The following CEP97 variants were observed in gnomAD, a reference collection of about 807,000 sequenced individuals.
The protein encoded by CEP97 is centrosomal protein 97.
In CEP97, 43 loss-of-function variants were observed where a neutral mutation model predicts 73.1. That is an observed-to-expected ratio of 0.59 (90% CI 0.46 to 0.76). The LOEUF is 0.76. Among genes scored for constraint, CEP97 ranks in the 30% least tolerant of loss-of-function variants. CEP97 has a pLI of 0.00. For synonymous variants in CEP97, 337 were observed against 370.0 expected (o/e 0.91, Z 1.02); for missense variants, 939 against 1,014.0 (o/e 0.93, Z 1.00).
intron 7 of CEP97, 38 bp downstream of exon 7, chr3:101,755,632 A>G (rs1938984277): frequency 6.3e-7 from 1 of 1,596,500 alleles, no homozygotes; most frequent in Admixed American, 1.7e-5. Context: ...TGAATTCACA[A>G]GTTAAAATAC....
At position 101,766,635 on chromosome 3, in the gene CEP97, A is replaced by G. The variant is rs62284204; in HGVS notation, c.*1084A>G. The stretch of plus-strand genomic sequence containing the variant: ...AATAAACCTCACTTTACTTGTTAAA[A>G]GGGATATATATATATATATATATGT... On this transcript the variant is annotated 3_prime_UTR_variant, in exon 11 of 11. Transcript: ENST00000341893. 6.9e-6 allele frequency: 1 copy of G among 145,790 alleles called. No homozygotes were observed. The highest frequency in any genetic ancestry group is 1.5e-5 in the Non-Finnish European group (1 of 65,686). The allele number at this position is 145,790 out of a possible 1,614,324, so 9.0% of individuals were successfully genotyped here. A position where few individuals can be genotyped will look rare whatever the true frequency, so the allele number is the denominator to read the frequency against.
chr3:101,733,676 G>A (rs1176904667), intron 6 of CEP97, among the ~76,000 whole-genome samples: 3 of 149,602 alleles, frequency 2.0e-5, no homozygotes, highest in African/African-American at 7.4e-5. Flanking sequence ...GACTACAGGC[G>A]CCCGCCACTA....
chr3:101,731,754 T>G, intron 4 of CEP97, 86 bp from the exon 5 acceptor site: 1 of 723,936 alleles, frequency 1.4e-6, no homozygotes, highest in South Asian at 1.6e-5. Flanking sequence ...TCCTTTATTC[T>G]TATATGTACC....
In CEP97 at chr3:101,727,484, A is replaced by C. The variant is rs1203304357; in HGVS notation, c.288A>C (p.Glu96Asp). ...CTCATAATAGCATTGGCTGTGTGGAAGGGCTAAAGGAACTAGTACATCTGG... is the reference window on the plus strand; with the variant it reads ...CTCATAATAGCATTGGCTGTGTGGACGGGCTAAAGGAACTAGTACATCTGG... ...NLPHNSIGCV[E>D]GLKELVHLEW... The change falls in exon 3 of 11, where the codon GAA becomes GAC. Residue 96 changes from glutamate to aspartate, a missense_variant. Physicochemically the swap from Glu to Asp is conservative, Grantham distance 45. Coordinates refer to ENST00000341893, the MANE Select transcript of CEP97 (RefSeq NM_024548.4). The C allele has an allele frequency of 6.2e-7, 1 of 1,613,716 alleles. No homozygotes were observed. The highest frequency in any genetic ancestry group is 8.5e-7 in the Non-Finnish European group (1 of 1,179,744).
intron 6 of CEP97, among the ~76,000 whole-genome samples, chr3:101,737,134 AT>A (rs1478307490): frequency 6.6e-6 from 1 of 152,180 alleles, no homozygotes; most frequent in Non-Finnish European, 1.5e-5. Context: ...TGAAGACAAG[AT>A]TGGAGAAAAA....
chr3:101,748,702 G>T (rs971747694), intron 6 of CEP97, among the ~76,000 whole-genome samples: 1 of 152,082 alleles, frequency 6.6e-6, no homozygotes, highest in Non-Finnish European at 1.5e-5. Context: ...GTGCAGTGGC[G>T]CAATCTCGGC....
intron 6 of CEP97, among the ~76,000 whole-genome samples, chr3:101,748,489 A>G (rs1938696052): frequency 6.6e-6 from 1 of 152,194 alleles, no homozygotes; most frequent in Non-Finnish European, 1.5e-5. Flanking sequence ...GAGAAATATT[A>G]AAGTTGGCGA....
intron 2 of CEP97, among the ~76,000 whole-genome samples, chr3:101,727,054 A>G (rs953577758): frequency 1.8e-4 from 27 of 152,174 alleles, no homozygotes; most frequent in African/African-American, 9.7e-5. Context: ...CGTCCCTCTT[A>G]TATGTCTGGC....
intron 9 of CEP97, among the ~76,000 whole-genome samples, chr3:101,762,262 T>G (rs1372064942): frequency 6.6e-6 from 1 of 152,200 alleles, no homozygotes; most frequent in Non-Finnish European, 1.5e-5. Flanking sequence ...GAGTCACAGT[T>G]CAAAATTAAG....
Position 101,767,459 on chromosome 3 carries a change from A to T in CEP97, c.*1908A>T, listed in dbSNP as rs1351353707. 1 of 152,214 alleles carries T rather than the reference A, an allele frequency of 6.6e-6. No homozygotes were observed. The highest frequency in any genetic ancestry group is 1.5e-5 in the Non-Finnish European group (1 of 68,024). 9.4% of individuals were successfully genotyped at this position (152,214 alleles called of 1,614,324 possible). On this transcript the variant is annotated 3_prime_UTR_variant, in exon 11 of 11. Transcript: ENST00000341893. ...TCCATAGTTAGACAAAGAAAAACCA[A>T]TTTCCACTGCACTAGTACCAAAATA...
chr3:101,739,184 T>C (rs1938370170), intron 6 of CEP97, among the ~76,000 whole-genome samples: 1 of 152,172 alleles, frequency 6.6e-6, no homozygotes, highest in South Asian at 2.1e-4. Flanking sequence ...GTTAATAGCC[T>C]ACCAGCCAAA....
chr3:101,760,237 TGAG>T (rs903414031), intron 9 of CEP97, among the ~76,000 whole-genome samples: 15 of 151,850 alleles, frequency 9.9e-5, no homozygotes, highest in Non-Finnish European at 1.6e-4. Context: ...CACCTGAAAA[TGAG>T]GAGAGGGTGA....
At chr3:101,731,275 A>G (rs868329397) in intron 4 of CEP97, among the ~76,000 whole-genome samples, 4 of 146,484 alleles carry the variant, frequency 2.7e-5, no homozygotes, top group Middle Eastern at 7.0e-3. Flanking sequence ...GTCATGGCTT[A>G]CTATAGCCTC....
chr3:101,727,800 T>C (rs1241639368), intron 3 of CEP97, among the ~76,000 whole-genome samples: 2 of 152,236 alleles, frequency 1.3e-5, no homozygotes, highest in African/African-American at 4.8e-5. Flanking sequence ...GACTATATCA[T>C]GCTGAATTAA....
At position 101,764,880 on chromosome 3, in the gene CEP97, G is replaced by T; in HGVS notation, c.1927G>T (p.Asp643Tyr). 2 of 1,613,084 alleles carry T rather than the reference G, an allele frequency of 1.2e-6. No homozygotes were observed. The highest frequency in any genetic ancestry group is 2.2e-5 in the South Asian group (2 of 90,842). Residue 643 changes from aspartate (D) to tyrosine (Y), a missense_variant, in exon 11 of 11, where the codon GAC becomes TAC. Transcript: ENST00000341893. ...TCTACAGGTTTGGCAACAGACAGTG[G>T]ACCAGCGTCTAAGTTCCTGGCATAC... Reference protein sequence around the residue: ...RSLQVWQQTVDQRLSSWHTDV... With the variant: ...RSLQVWQQTVYQRLSSWHTDV...
intron 6 of CEP97, among the ~76,000 whole-genome samples, chr3:101,745,552 C>A (rs1199479943): frequency 6.6e-6 from 1 of 151,798 alleles, no homozygotes; most frequent in East Asian, 1.9e-4. Flanking sequence ...AGATATAAGC[C>A]ACTGCACCTA....
At chr3:101,738,166 G>T (rs1028184629) in intron 6 of CEP97, among the ~76,000 whole-genome samples, 15 of 152,108 alleles carry the variant, frequency 9.9e-5, no homozygotes, top group African/African-American at 3.1e-4. Flanking sequence ...AAATATATTT[G>T]CACCCAATAC....
chr3:101,729,800 C>T (rs1938034673), intron 4 of CEP97, among the ~76,000 whole-genome samples: 1 of 149,850 alleles, frequency 6.7e-6, no homozygotes, highest in African/African-American at 2.5e-5. Flanking sequence ...AGATAGAGTT[C>T]TGCTCTGTCA....
chr3:101,726,513 T>C (rs1382579364), intron 1 of CEP97, 81 bp from the exon 2 acceptor site: 4 of 1,037,472 alleles, frequency 3.9e-6, no homozygotes, highest in Non-Finnish European at 5.4e-6. Flanking sequence ...GTATAGAGAT[T>C]TTATAATTCC....
Sources: allele counts gnomAD v4.1 joint callset (sites outside exome capture counted in the v4.1 genomes callset), GRCh38; gene constraint gnomAD v4.1.1; transcripts MANE v1.5; gene names NCBI Gene and HGNC (gene_info 2026-07-23, HGNC 2026-07-21).